Variants in ADAMTS2 observed in about 807,000 individuals in gnomAD.
ADAMTS2 encodes the protein ADAM metallopeptidase with thrombospondin type 1 motif 2, also known as A disintegrin and metalloproteinase with thrombospondin motifs 2.
ADAMTS2 carries 50 observed loss-of-function variants against 123.0 expected under a neutral mutation model. The ratio of observed to expected loss-of-function variants is 0.41; its 90% CI spans 0.32 to 0.51. The LOEUF (loss-of-function observed/expected upper bound fraction) is 0.51, where lower values mean the gene tolerates loss of function less well. Among genes scored for constraint, ADAMTS2 ranks in the 20% least tolerant of loss-of-function variants. The pLI, the probability that ADAMTS2 is intolerant of heterozygous loss-of-function variation, is 0.35. For missense variants in ADAMTS2, 1,494 were observed against 1,705.2 expected (o/e 0.88, Z 2.18); for synonymous variants, 678 against 695.4 (o/e 0.98, Z 0.39).
chr5:179,316,106 G>GAT (rs1005415692), intron 2 of ADAMTS2, among the ~76,000 whole-genome samples: 1 of 152,208 alleles, frequency 6.6e-6, no homozygotes, highest in African/African-American at 2.4e-5. Context: ...GAGGGAAAGA[G>GAT]CAGATCAGAT....
intron 3 of ADAMTS2, among the ~76,000 whole-genome samples, chr5:179,253,049 G>A (rs1292608293): frequency 6.6e-6 from 1 of 152,178 alleles, no homozygotes; most frequent in Non-Finnish European, 1.5e-5. Flanking sequence ...TTGAGTCTGA[G>A]ATTGATACAG....
rs191278588 is a variant in ADAMTS2 at position 179,232,253 on chromosome 5, C to T, written c.689-24538G>A. ...TTGCACCAATGTTTTATCAAATCTC[C>T]GACTATGCCCAAGTGCGGCGCCATG... is the stretch of plus-strand genomic sequence containing the variant. On this transcript the variant is annotated intron_variant, in intron 3 of 21. Coordinates refer to ENST00000251582, the MANE Select transcript of ADAMTS2 (RefSeq NM_014244.5). Among the ~76,000 whole-genome samples, 225 of 152,290 alleles carry T rather than the reference C, an allele frequency of 1.5e-3. 1 individual carries two copies. Among genetic ancestry groups the T allele is most frequent in the African/African-American group, 5.2e-3 (216 of 41,556 alleles).
chr5:179,251,010 G>A (rs1765908961), intron 3 of ADAMTS2, among the ~76,000 whole-genome samples: 1 of 152,190 alleles, frequency 6.6e-6, no homozygotes. Context: ...TCCTGCCTCG[G>A]CAAAGGCAAA....
Position 179,114,048 on chromosome 5 carries a change from G to A in ADAMTS2, c.3455C>T (p.Thr1152Ile), listed in dbSNP as rs370806281. ...GGCATTGGTTTCTGGGTGATCCTCTGTGGCATTGGTGCTGGAGGCATTGAG... is the reference window on the plus strand; with the variant it reads ...GGCATTGGTTTCTGGGTGATCCTCTATGGCATTGGTGCTGGAGGCATTGAG... ...VPLNASSTNATEDHPETNAVD... is the reference protein window; with the variant it reads ...VPLNASSTNAIEDHPETNAVD... The change falls in exon 22 of 22, where the codon ACA becomes ATA. Residue 1152 changes from threonine (T) to isoleucine (I), a missense_variant. Transcript: ENST00000251582. 3.1e-6 allele frequency: 5 copies of A among 1,614,150 alleles called. No homozygotes were observed. Among genetic ancestry groups the A allele is most frequent in the Non-Finnish European group, 4.2e-6 (5 of 1,180,036 alleles).
chr5:179,269,680 C>T (rs1419216268), intron 3 of ADAMTS2, among the ~76,000 whole-genome samples: 2 of 152,160 alleles, frequency 1.3e-5, no homozygotes, highest in Non-Finnish European at 2.9e-5. Context: ...GTTTCAAGCT[C>T]CGTGAGGACT....
At chr5:179,244,678 T>C (rs1001290282) in intron 3 of ADAMTS2, among the ~76,000 whole-genome samples, 3 of 152,192 alleles carry the variant, frequency 2.0e-5, no homozygotes, top group South Asian at 4.1e-4. Context: ...AGAAGATGTA[T>C]ATAATTGTAT....
Position 179,153,570 on chromosome 5 carries a change from G to T in ADAMTS2, c.1436C>A (p.Pro479His), listed in dbSNP as rs1329536911. The change falls in exon 9 of 22, where the codon CCC becomes CAC. Residue 479 changes from proline to histidine, a missense_variant. Pro to His is a moderately conservative substitution (Grantham distance 77). This residue lies in a region of ADAMTS2 where 953 missense variants were observed against 1,124.7 expected (regional missense o/e 0.85). Transcript: ENST00000251582. Reference sequence around the variant, plus strand: ...GGAGTAGTGCAGTCCCGGGAGCTGGGGCAGCGCCGGCCAGTCGTGGGCGAA... The same window carrying T: ...GGAGTAGTGCAGTCCCGGGAGCTGGTGCAGCGCCGGCCAGTCGTGGGCGAA... Reference protein sequence around the residue: ...DPFAHDWPALPQLPGLHYSMN... With the variant: ...DPFAHDWPALHQLPGLHYSMN... The T allele has an allele frequency of 6.2e-7, 1 of 1,609,338 alleles. No individual in the cohort carries two copies.
rs1443326255 is a variant in ADAMTS2 at position 179,185,264 on chromosome 5, G to A, written c.892-4109C>T. ...GGTGCCTTACGGAAAGTAGATGGAA[G>A]GGGTCAAGATGTGGGAATGTGGGGT... On this transcript the variant is annotated intron_variant, in intron 4 of 21. Coordinates refer to ENST00000251582, the MANE Select transcript of ADAMTS2 (RefSeq NM_014244.5). The surrounding 1 kb of genome is among the most constrained non-coding windows in gnomAD (Gnocchi z 5.9). 6.6e-6 allele frequency among the ~76,000 whole-genome samples: 1 copy of A among 152,216 alleles called. No individual in the cohort carries two copies. Among genetic ancestry groups the A allele is most frequent in the Non-Finnish European group, 1.5e-5 (1 of 68,038 alleles).
At chr5:179,279,825 G>A (rs1766840647) in intron 2 of ADAMTS2, among the ~76,000 whole-genome samples, 1 of 152,266 alleles carries the variant, frequency 6.6e-6, no homozygotes, top group African/African-American at 2.4e-5. Context: ...TTACAGTTCA[G>A]CATCCCAGAG....
At chr5:179,136,337 G>A (rs940043064) in intron 12 of ADAMTS2, among the ~76,000 whole-genome samples, 1 of 152,146 alleles carries the variant, frequency 6.6e-6, no homozygotes, top group African/African-American at 2.4e-5. Context: ...GACCTCCGAG[G>A]CTGCAAATGT....
At chr5:179,215,392 A>G (rs1327147738) in intron 3 of ADAMTS2, among the ~76,000 whole-genome samples, 3 of 152,180 alleles carry the variant, frequency 2.0e-5, no homozygotes, top group Non-Finnish European at 2.9e-5. Context: ...AGGCTGTGGT[A>G]AGCTGAGATC....
intron 5 of ADAMTS2, among the ~76,000 whole-genome samples, chr5:179,168,105 C>A (rs541739032): frequency 3.9e-4 from 59 of 152,322 alleles, no homozygotes; most frequent in African/African-American, 1.4e-3. Flanking sequence ...CCTCAGCACT[C>A]CAGATATTTG....
chr5:179,341,495 T>C (rs188050994), intron 2 of ADAMTS2, among the ~76,000 whole-genome samples: 1,990 of 151,946 alleles, frequency 0.013, 38 homozygotes, highest in African/African-American at 0.045. Context: ...GGTCAGGAGA[T>C]TGAGACCACC....
At chr5:179,203,704 A>G (rs34210609) in intron 4 of ADAMTS2, among the ~76,000 whole-genome samples, 47,034 of 151,920 alleles carry the variant, frequency 0.31, 8,054 homozygotes, top group African/African-American at 0.44. Flanking sequence ...AAAAAAGAAA[A>G]AAAAGACAAG....
At chr5:179,187,460 C>T (rs1383485244) in intron 4 of ADAMTS2, among the ~76,000 whole-genome samples, 1 of 152,250 alleles carries the variant, frequency 6.6e-6, no homozygotes, top group Non-Finnish European at 1.5e-5. Flanking sequence ...ATAGTAGGTG[C>T]TCAGTAAACA....
intron 3 of ADAMTS2, among the ~76,000 whole-genome samples, chr5:179,254,952 G>A (rs1766011365): frequency 1.3e-5 from 2 of 152,198 alleles, no homozygotes; most frequent in Admixed American, 1.3e-4. Context: ...ATGAATGGAT[G>A]GATGGATTGG....
chr5:179,125,123 C>T lies in ADAMTS2; in HGVS notation c.2808G>A (p.Gln936=). ...CSQTCGRTGM[Q]VRSVRCIQPL... Reference sequence around the variant, plus strand: ...GCTGAATGCAGCGCACGGAGCGCACCTGCATGCCTGTCCGCCCACAGGTCT... The same window carrying T: ...GCTGAATGCAGCGCACGGAGCGCACTTGCATGCCTGTCCGCCCACAGGTCT... Residue 936 remains glutamine (Q), a synonymous_variant, in exon 19 of 22, where the codon CAG becomes CAA. Transcript: ENST00000251582. 6.2e-7 allele frequency: 1 copy of T among 1,613,038 alleles called. No individual in the cohort carries two copies. The highest frequency in any genetic ancestry group is 8.5e-7 in the Non-Finnish European group (1 of 1,179,924).
intron 10 of ADAMTS2, 106 bp downstream of exon 10, chr5:179,152,036 G>A (rs1763368774): frequency 9.9e-7 from 1 of 1,011,576 alleles, no homozygotes; most frequent in South Asian, 1.4e-5. Context: ...GAGGTCCCCT[G>A]AGAGGGCCCC....
intron 3 of ADAMTS2, among the ~76,000 whole-genome samples, chr5:179,257,769 G>A (rs1032430943): frequency 6.6e-6 from 1 of 152,204 alleles, no homozygotes; most frequent in Admixed American, 6.5e-5. Flanking sequence ...CCTGAGCGCC[G>A]TGGGCTCCAG....
Sources: allele counts gnomAD v4.1 joint callset (sites outside exome capture counted in the v4.1 genomes callset), GRCh38; gene constraint gnomAD v4.1.1; regional missense constraint gnomAD v4.1.1; non-coding constraint Gnocchi (gnomAD v3.1); transcripts MANE v1.5; gene names NCBI Gene and HGNC (gene_info 2026-07-23, HGNC 2026-07-21).